The following ISG20 variants were observed in gnomAD, a reference collection of about 807,000 sequenced individuals.
ISG20 encodes interferon stimulated exonuclease gene 20.
ISG20 carries 8 observed loss-of-function variants against 11.1 expected under a neutral mutation model. The ratio of observed to expected loss-of-function variants is 0.72; its 90% confidence interval spans 0.42 to 1.30. ISG20 has a LOEUF of 1.30. Ranked by LOEUF, ISG20 falls within the 50% of genes most tolerant of loss-of-function variation. The pLI is 0.01. For missense variants in ISG20, 243 were observed against 250.2 expected, an observed-to-expected ratio of 0.97 and a Z score of 0.19; for synonymous variants, 110 against 101.7, an observed-to-expected ratio of 1.08 and a Z score of -0.49.
chr15:88,654,250 G>T (rs1380867711), intron 3 of ISG20, among the ~76,000 whole-genome samples: 2 of 152,182 alleles, frequency 1.3e-5, no homozygotes, highest in Admixed American at 1.3e-4. Context: ...CAAGGATGGT[G>T]ACAGGGGCAG....
In ISG20 at chr15:88,654,446, G is replaced by A. The variant is rs75898458; in HGVS notation, c.430-969G>A. On this transcript the variant is annotated intron_variant, in intron 3 of 3. Transcript: ENST00000306072. Reference sequence around the variant, plus strand: ...AGGTGTCCCCAACACCCTGTCTGGAGTGCCTGGAAAAGGAGCCCCTGTGAG... The same window carrying A: ...AGGTGTCCCCAACACCCTGTCTGGAATGCCTGGAAAAGGAGCCCCTGTGAG... Among the ~76,000 whole-genome samples the A allele has an allele frequency of 1.5e-3, 234 of 152,360 alleles. 3 individuals are homozygous for A. The East Asian group carries it at 0.037, about 24-fold the overall frequency.
intron 2 of ISG20, chr15:88,651,761 C>T: frequency 1.9e-6 from 2 of 1,064,612 alleles, no homozygotes; most frequent in Non-Finnish European, 2.3e-6. Context: ...ATTATTCTGC[C>T]TGCCATAATA....
rs1401967709 is a variant in ISG20 at position 88,655,421 on chromosome 15, CT to C, written c.437del (p.Leu146ArgfsTer47). 1 of 1,613,886 alleles carries C rather than the reference CT, an allele frequency of 6.2e-7. No homozygotes were observed. Among genetic ancestry groups the C allele is most frequent in the Non-Finnish European group, 8.5e-7 (1 of 1,179,938 alleles). ...TCTATACTTGTGTCTGCAGAACAGC[CT>C]GCTTGGACACAGCTCGGTGGAAGAT... is the stretch of plus-strand genomic sequence containing the variant. ...RLLHKSIQNS[L>X]LGHSSVEDAR... On this transcript the variant is annotated frameshift_variant, in exon 4 of 4. Transcript: ENST00000306072. LOFTEE classifies it low-confidence loss of function (END_TRUNC).
At chr15:88,651,365 G>C in intron 2 of ISG20, 1 of 900,328 alleles carries the variant, frequency 1.1e-6, no homozygotes, top group Non-Finnish European at 1.3e-6. Context: ...TTCTCTTACA[G>C]TTCTGTAGTT....
chr15:88,654,057 A>G (rs1207042330), intron 3 of ISG20, among the ~76,000 whole-genome samples: 1 of 152,222 alleles, frequency 6.6e-6, no homozygotes, highest in Non-Finnish European at 1.5e-5. Context: ...CACAGAGCTC[A>G]TAAGCAGGGG....
At position 88,655,725 on chromosome 15, in the gene ISG20, G is replaced by A. The variant is rs7180813; in HGVS notation, c.*194G>A. 11,000 of 505,654 alleles carry A rather than the reference G, an allele frequency of 0.022. 403 individuals carry two copies. The highest frequency in any genetic ancestry group is 0.12 in the African/African-American group (6,104 of 51,216). 31.3% of individuals were successfully genotyped at this position (505,654 alleles called of 1,614,324 possible). A position where few individuals can be genotyped will look rare whatever the true frequency, so the allele number is the denominator to read the frequency against. ...CAGGACCCATTTCTGTGTGATGTTA[G>A]GAGGGAATGAAGTCTTATGCTGGGG... On this transcript the variant is annotated 3_prime_UTR_variant, in exon 4 of 4. Coordinates refer to ENST00000306072, the MANE Select transcript of ISG20 (RefSeq NM_002201.6).
chr15:88,636,201 G>C (rs1461507222), upstream of ISG20: 1 of 152,268 alleles, frequency 6.6e-6, no homozygotes, highest in Non-Finnish European at 1.5e-5. Flanking sequence ...GCCTTGAAAG[G>C]CTGACAAGTT....
In ISG20 at chr15:88,639,223, G is replaced by A. The variant is rs575000092; in HGVS notation, c.-24-120G>A. On this transcript the variant is annotated intron_variant, in intron 1 of 3. Transcript: ENST00000306072. The surrounding 1 kb of genome is among the most constrained non-coding windows in gnomAD (Gnocchi z 4.2). ...AGGCAAGAGGCCAGCTTCCACTGTGGCCAGGTGGTGTCGGAAACAAAGGGC... is the reference window on the plus strand; with the variant it reads ...AGGCAAGAGGCCAGCTTCCACTGTGACCAGGTGGTGTCGGAAACAAAGGGC... 40 of 639,486 alleles carry A rather than the reference G, an allele frequency of 6.3e-5. No individual in the cohort carries two copies. The Admixed American group carries it at 8.7e-4, about 14-fold the overall frequency. The allele number at this position is 639,486 out of a possible 1,614,324, so 39.6% of individuals were successfully genotyped here.
At position 88,641,926 on chromosome 15, in the gene ISG20, C is replaced by CTTTTTTT. The variant is rs140178121; in HGVS notation, c.228+2353_228+2359dup. 3.1e-4 allele frequency among the ~76,000 whole-genome samples: 32 copies of CTTTTTTT among 102,836 alleles called. 1 individual carries two copies. Among genetic ancestry groups the CTTTTTTT allele is most frequent in the African/African-American group, 6.7e-4 (19 of 28,150 alleles). 67.5% of individuals were successfully genotyped at this position (102,836 alleles called of 152,430 possible). On this transcript the variant is annotated intron_variant, in intron 2 of 3. Coordinates refer to ENST00000306072, the MANE Select transcript of ISG20 (RefSeq NM_002201.6). ...AGCCACTGCACCTGGTTAGCTTCCTCTTTTTTTTTTTTTTTTTTTTTTTTT... is the reference window on the plus strand; with the variant it reads ...AGCCACTGCACCTGGTTAGCTTCCTCTTTTTTTTTTTTTTTTTTTTTTTTTTTTTTTT...
chr15:88,646,429 A>C (rs1315889838), intron 2 of ISG20, among the ~76,000 whole-genome samples: 1 of 152,204 alleles, frequency 6.6e-6, no homozygotes, highest in Non-Finnish European at 1.5e-5. Context: ...TCCCATGCTC[A>C]GTGTGTGTGA....
chr15:88,655,654 C>A lies in ISG20; in HGVS notation c.*123C>A. 1 of 631,808 alleles carries A rather than the reference C, an allele frequency of 1.6e-6. No individual in the cohort carries two copies. Among genetic ancestry groups the A allele is most frequent in the Non-Finnish European group, 2.7e-6 (1 of 366,626 alleles). 39.1% of individuals were successfully genotyped at this position (631,808 alleles called of 1,614,324 possible). A position where few individuals can be genotyped will look rare whatever the true frequency, so the allele number is the denominator to read the frequency against. ...GCTCTATATTTTCTCTACGCCATCA[C>A]TGGGTCCTCTTCTTATTCTTCTCTC... On this transcript the variant is annotated 3_prime_UTR_variant, in exon 4 of 4. Transcript: ENST00000306072.
At chr15:88,648,604 C>G (rs2058218739) in intron 2 of ISG20, 1 of 152,250 alleles carries the variant, frequency 6.6e-6, no homozygotes, top group South Asian at 2.1e-4. Flanking sequence ...GTCCCTTGGT[C>G]CTTGTGCTAA....
intron 2 of ISG20, among the ~76,000 whole-genome samples, chr15:88,641,068 C>G (rs916190635): frequency 6.6e-6 from 1 of 151,992 alleles, no homozygotes; most frequent in African/African-American, 2.4e-5. Context: ...TCTTGGCTCT[C>G]TGCAACCTCT....
rs1351665865 is a variant in ISG20, at chr15:88,639,299, G to C, written c.-24-44G>C. 1 of 1,293,480 alleles carries C rather than the reference G, an allele frequency of 7.7e-7. No individual in the cohort carries two copies. Among genetic ancestry groups the C allele is most frequent in the Non-Finnish European group, 1.1e-6 (1 of 934,848 alleles). The allele number at this position is 1,293,480 out of a possible 1,614,324, so 80.1% of individuals were successfully genotyped here. On this transcript the variant is annotated intron_variant, in intron 1 of 3. Coordinates refer to ENST00000306072, the MANE Select transcript of ISG20 (RefSeq NM_002201.6). This position sits in a 1 kb window ranked among gnomAD's most constrained non-coding sequence, Gnocchi z 4.2. ...GTTGGCTGAGGACACCTGGAGGCTTGGTTTGCCCAAGCGTGAGACCGCCCC... is the reference window on the plus strand; with the variant it reads ...GTTGGCTGAGGACACCTGGAGGCTTCGTTTGCCCAAGCGTGAGACCGCCCC...
chr15:88,651,134 A>T, intron 2 of ISG20: 3 of 912,222 alleles, frequency 3.3e-6, no homozygotes, highest in Non-Finnish European at 3.9e-6. Flanking sequence ...CCCATATGCA[A>T]TGGGAGGGGA....
At chr15:88,647,340 T>C (rs1196390915) in intron 2 of ISG20, 14 of 152,142 alleles carry the variant, frequency 9.2e-5, no homozygotes. Context: ...GACCATTATA[T>C]AGAGGGGATA....
At position 88,643,137 on chromosome 15, in the gene ISG20, G is replaced by A. The variant is rs2058110583; in HGVS notation, c.228+3543G>A. Among the ~76,000 whole-genome samples, 1 of 152,102 alleles carries A rather than the reference G, an allele frequency of 6.6e-6. No individual in the cohort carries two copies. Among genetic ancestry groups the A allele is most frequent in the Non-Finnish European group, 1.5e-5 (1 of 68,020 alleles). ...GTAGTCCCAGCTACTCGAGGAGGCT[G>A]AGGTGAAGTATTGCTTGAGCCCAGG... On this transcript the variant is annotated intron_variant, in intron 2 of 3. Transcript: ENST00000306072. The surrounding 1 kb of genome is among the most constrained non-coding windows in gnomAD (Gnocchi z 4.4).
rs545347413 is a variant in ISG20, at chr15:88,639,057, G to C, written c.-44G>C. The C allele has an allele frequency of 1.6e-5, 8 of 485,182 alleles. No individual in the cohort carries two copies. Among genetic ancestry groups the C allele is most frequent in the Non-Finnish European group, 3.0e-5 (8 of 270,522 alleles). 30.1% of individuals were successfully genotyped at this position (485,182 alleles called of 1,614,324 possible). On this transcript the variant is annotated 5_prime_UTR_variant, in exon 1 of 4. Transcript: ENST00000306072. The surrounding 1 kb of genome is among the most constrained non-coding windows in gnomAD (Gnocchi z 4.2). ...GGCAGCAGAGAGGCAGACGTGAGCTGAGGGCGCAGAGGCAGGCAGGTGAGA... is the reference window on the plus strand; with the variant it reads ...GGCAGCAGAGAGGCAGACGTGAGCTCAGGGCGCAGAGGCAGGCAGGTGAGA...
intron 2 of ISG20, among the ~76,000 whole-genome samples, chr15:88,641,803 TGTATTTTTA>T (rs1380113966): frequency 2.0e-5 from 3 of 152,060 alleles, no homozygotes; most frequent in Non-Finnish European, 4.4e-5. Flanking sequence ...AGCTAATTTT[TGTATTTTTA>T]GTAGAGATGG....
Sources: allele counts gnomAD v4.1 joint callset (sites outside exome capture counted in the v4.1 genomes callset), GRCh38; gene constraint gnomAD v4.1.1; non-coding constraint Gnocchi (gnomAD v3.1); transcripts MANE v1.5; gene names NCBI Gene and HGNC (gene_info 2026-07-23, HGNC 2026-07-21).